The following NT5C2 variants were observed in gnomAD, a reference collection of about 807,000 sequenced individuals.
NT5C2 encodes 5'-nucleotidase, cytosolic II.
NT5C2 carries 58 observed loss-of-function variants against 76.1 expected under a neutral mutation model. The ratio of observed to expected loss-of-function variants is 0.76; its 90% confidence interval spans 0.62 to 0.95. NT5C2 has a LOEUF of 0.95. NT5C2 is among the 40% of genes least tolerant of loss of function. The pLI is 0.00. For synonymous variants in NT5C2, 229 were observed against 237.4 expected, an observed-to-expected ratio of 0.96 and a Z score of 0.32; for missense variants, 478 against 690.3, an observed-to-expected ratio of 0.69 and a Z score of 3.45.
At chr10:103,134,057 A>C (rs1481524795) in intron 4 of NT5C2, among the ~76,000 whole-genome samples, 1 of 152,228 alleles carries the variant, frequency 6.6e-6, no homozygotes, top group Non-Finnish European at 1.5e-5. Context: ...AAAGTCATTC[A>C]GTTTTATAAG....
intron 4 of NT5C2, among the ~76,000 whole-genome samples, chr10:103,125,568 AG>A (rs2076508676): frequency 6.6e-6 from 1 of 152,222 alleles, no homozygotes; most frequent in African/African-American, 2.4e-5. Flanking sequence ...TGTAACCACG[AG>A]GAGATAATGT....
chr10:103,158,427 G>A (rs924459620), intron 3 of NT5C2, among the ~76,000 whole-genome samples: 2 of 151,978 alleles, frequency 1.3e-5, no homozygotes, highest in Admixed American at 6.6e-5. Context: ...CTAAAGCACT[G>A]GAGAAAAATC....
intron 3 of NT5C2, among the ~76,000 whole-genome samples, chr10:103,157,583 C>T (rs1189523648): frequency 6.6e-6 from 1 of 152,072 alleles, no homozygotes; most frequent in Non-Finnish European, 1.5e-5. Flanking sequence ...AAAAATGCTA[C>T]ACAAATTAAG....
intron 3 of NT5C2, chr10:103,153,575 G>A (rs1565203006): frequency 3.0e-6 from 3 of 985,408 alleles, no homozygotes; most frequent in African/African-American, 3.5e-5. Flanking sequence ...AGGCTGGCCA[G>A]TTAAGGAAGG....
intron 3 of NT5C2, among the ~76,000 whole-genome samples, chr10:103,151,529 T>C (rs938444534): frequency 2.6e-5 from 4 of 151,956 alleles, no homozygotes; most frequent in Admixed American, 1.3e-4. Context: ...TGAAAATCAA[T>C]TGATTATATA....
chr10:103,149,880 C>T (rs1224104543), intron 3 of NT5C2, among the ~76,000 whole-genome samples: 1 of 148,246 alleles, frequency 6.7e-6, no homozygotes, highest in South Asian at 2.1e-4. Context: ...AAAAAAAGCA[C>T]TTTAACAACT....
At position 103,089,632 on chromosome 10, in the gene NT5C2, G is replaced by A. The variant is rs770473193; in HGVS notation, c.*40C>T. The A allele has an allele frequency of 2.6e-6, 4 of 1,541,442 alleles. 1 individual carries two copies. Among genetic ancestry groups the A allele is most frequent in the Non-Finnish European group, 2.6e-6 (3 of 1,144,118 alleles). On this transcript the variant is annotated 3_prime_UTR_variant, in exon 19 of 19. Coordinates refer to ENST00000404739, the MANE Select transcript of NT5C2 (RefSeq NM_001351169.2). ...TCGTTTGTTCCTGTGAGTCCTGCCA[G>A]GACTTGTTTAATGGGTGCTTGGGGT...
At chr10:103,111,817 C>T in intron 4 of NT5C2, 1 of 1,230,152 alleles carries the variant, frequency 8.1e-7, no homozygotes, top group Non-Finnish European at 1.0e-6. Context: ...TGTTAAAAAA[C>T]AAAAAGCAAC....
rs901808230 is a variant in NT5C2, at chr10:103,089,514, C to T, written c.*158G>A. On this transcript the variant is annotated 3_prime_UTR_variant, in exon 19 of 19. Transcript: ENST00000404739. ...AGAGTACAGATACACAAAACCAAAACAAGTATCTATGATAATAAAATCTTC... is the reference window on the plus strand; with the variant it reads ...AGAGTACAGATACACAAAACCAAAATAAGTATCTATGATAATAAAATCTTC... The T allele has an allele frequency of 1.5e-6, 2 of 1,328,180 alleles. No homozygotes were observed. The highest frequency in any genetic ancestry group is 1.8e-5 in the South Asian group (1 of 55,204). The allele number at this position is 1,328,180 out of a possible 1,614,324, so 82.3% of individuals were successfully genotyped here.
At chr10:103,093,003 G>T in intron 15 of NT5C2, 136 bp downstream of exon 15, 1 of 555,836 alleles carries the variant, frequency 1.8e-6, no homozygotes, top group Non-Finnish European at 3.0e-6. Flanking sequence ...CTATGGGAAG[G>T]AAGTATCCAA....
chr10:103,145,076 G>T (rs2081239819), intron 3 of NT5C2, among the ~76,000 whole-genome samples: 1 of 152,226 alleles, frequency 6.6e-6, no homozygotes, highest in South Asian at 2.1e-4. Flanking sequence ...CTAATTTGTT[G>T]TATGAATAGC....
At chr10:103,129,524 TG>T (rs2077540883) in intron 4 of NT5C2, among the ~76,000 whole-genome samples, 1 of 78,824 alleles carries the variant, frequency 1.3e-5, no homozygotes, top group Admixed American at 1.2e-4. Flanking sequence ...GGGAGGGAGG[TG>T]GGGGGGTCAG....
intron 1 of NT5C2, among the ~76,000 whole-genome samples, chr10:103,185,454 T>C (rs748481243): frequency 1.8e-4 from 28 of 151,780 alleles, no homozygotes; most frequent in Non-Finnish European, 3.1e-4. Context: ...GAGACCAGCC[T>C]AAGCAACATG....
chr10:103,150,567 A>G (rs1041816430), intron 3 of NT5C2, among the ~76,000 whole-genome samples: 3 of 152,212 alleles, frequency 2.0e-5, no homozygotes, highest in Non-Finnish European at 2.9e-5. Context: ...TATGTTAAGC[A>G]TATGTTTAAC....
chr10:103,105,040 G>GA (rs2070849066), intron 6 of NT5C2, among the ~76,000 whole-genome samples: 1 of 152,080 alleles, frequency 6.6e-6, no homozygotes, highest in Non-Finnish European at 1.5e-5. Flanking sequence ...ATTATGATTT[G>GA]AAAATATCGG....
At chr10:103,096,825 G>A (rs942181666) in intron 11 of NT5C2, among the ~76,000 whole-genome samples, 122 of 120,038 alleles carry the variant, frequency 1.0e-3, no homozygotes, top group South Asian at 1.8e-3. Context: ...CAGCCTGGGC[G>A]ACAGAGTGAG....
intron 4 of NT5C2, among the ~76,000 whole-genome samples, chr10:103,114,279 C>T (rs1026622639): frequency 1.3e-5 from 2 of 152,146 alleles, no homozygotes; most frequent in South Asian, 2.1e-4. Context: ...AAAAATTAGC[C>T]GAGTGTGGTG....
intron 3 of NT5C2, among the ~76,000 whole-genome samples, chr10:103,160,420 T>C (rs1331014707): frequency 6.6e-6 from 1 of 152,142 alleles, no homozygotes; most frequent in Non-Finnish European, 1.5e-5. Context: ...TAAAATAACA[T>C]GTGTTTCAAA....
Position 103,089,336 on chromosome 10 carries a change from CTT to C in NT5C2, c.*334_*335del, listed in dbSNP as rs957519847. 1 of 255,870 alleles carries C rather than the reference CTT, an allele frequency of 3.9e-6. No homozygotes were observed. Among genetic ancestry groups the C allele is most frequent in the African/African-American group, 2.2e-5 (1 of 45,960 alleles). 15.8% of individuals were successfully genotyped at this position (255,870 alleles called of 1,614,324 possible). On this transcript the variant is annotated 3_prime_UTR_variant, in exon 19 of 19. Coordinates refer to ENST00000404739, the MANE Select transcript of NT5C2 (RefSeq NM_001351169.2). ...CCACTCTTTGTTCCACTCTGAGACT[CTT>C]TCCTTTTCCTCGTGTATCCAGATAC... is the stretch of plus-strand genomic sequence containing the variant.
Sources: allele counts gnomAD v4.1 joint callset (sites outside exome capture counted in the v4.1 genomes callset), GRCh38; gene constraint gnomAD v4.1.1; transcripts MANE v1.5; gene names NCBI Gene and HGNC (gene_info 2026-07-23, HGNC 2026-07-21).